Variants in RANBP2 observed in about 807,000 individuals in gnomAD.
RANBP2 encodes E3 SUMO-protein ligase RanBP2.
A neutral mutation model predicts 303.6 loss-of-function variants in RANBP2; 57 were observed. That is an observed-to-expected ratio of 0.19 (90% confidence interval 0.15 to 0.23). RANBP2 has a LOEUF of 0.23. Ranked by LOEUF, RANBP2 falls within the 10% of genes least tolerant of loss-of-function variation. The probability of loss-of-function intolerance (pLI) is 1.00; values close to 1 mark genes in which losing one functional copy is unlikely to be tolerated. For missense variants in RANBP2, 3,138 were observed against 3,780.8 expected, an observed-to-expected ratio of 0.83 and a Z score of 4.46; for synonymous variants, 1,167 against 1,301.5, an observed-to-expected ratio of 0.90 and a Z score of 2.23.
the RANBP2 span, among the ~76,000 whole-genome samples, chr2:109,333,259 G>A: frequency 0.016 from 2,486 of 152,352 alleles, 33 homozygotes; most frequent in Non-Finnish European, 0.028. Context: ...CAAGTTCAGG[G>A]TGATTAGTTT....
At chr2:108,805,693 C>T in the RANBP2 span, among the ~76,000 whole-genome samples, 1 of 151,830 alleles carries the variant, frequency 6.6e-6, no homozygotes, top group Admixed American at 6.6e-5. Context: ...TGCCACTGCA[C>T]TCCAGCCTGG....
the RANBP2 span, among the ~76,000 whole-genome samples, chr2:109,373,771 C>T: frequency 6.6e-6 from 1 of 152,100 alleles, no homozygotes; most frequent in East Asian, 1.9e-4. Flanking sequence ...CTTCTAACTG[C>T]AATTTCAAAA....
intron 24 of RANBP2, among the ~76,000 whole-genome samples, chr2:108,776,387 GT>G (rs1467215410): frequency 6.6e-6 from 1 of 152,054 alleles, no homozygotes; most frequent in Non-Finnish European, 1.5e-5. Flanking sequence ...TTTAAAGCTT[GT>G]TAAATTAATT....
chr2:109,007,233 A>AT, the RANBP2 span, among the ~76,000 whole-genome samples: 2 of 152,168 alleles, frequency 1.3e-5, no homozygotes, highest in African/African-American at 4.8e-5. Flanking sequence ...TTATGTATGT[A>AT]TTTTTTTAGA....
At chr2:108,943,135 G>A in the RANBP2 span, among the ~76,000 whole-genome samples, 2,554 of 152,252 alleles carry the variant, frequency 0.017, 62 homozygotes, top group African/African-American at 0.056. Flanking sequence ...GATCCTTCCT[G>A]TCAAACTCAG....
At chr2:109,160,773 T>C in the RANBP2 span, among the ~76,000 whole-genome samples, 17 of 152,254 alleles carry the variant, frequency 1.1e-4, no homozygotes, top group African/African-American at 4.1e-4. Flanking sequence ...CTGAGAAATG[T>C]GAACATCCCC....
chr2:109,632,736 T>G, the RANBP2 span, among the ~76,000 whole-genome samples: 3 of 151,958 alleles, frequency 2.0e-5, no homozygotes, highest in Non-Finnish European at 2.9e-5. Context: ...GGAGAATCGC[T>G]TGAACCCAGG....
In RANBP2 at chr2:108,747,940, A is replaced by G. The variant is rs187591066; in HGVS notation, c.1064-980A>G. 6.7e-3 allele frequency among the ~76,000 whole-genome samples: 1,021 copies of G among 152,272 alleles called. 3 individuals carry two copies. Among genetic ancestry groups the G allele is most frequent in the Non-Finnish European group, 9.6e-3 (655 of 68,018 alleles). On this transcript the variant is annotated intron_variant, in intron 8 of 28. Transcript: ENST00000283195. ...TCACTCCATGAGGAATTCCTTACCT[A>G]TTAGCAGTTACTTCCCATTTTACCC...
At chr2:108,732,824 TC>T (rs1264885513) in intron 4 of RANBP2, among the ~76,000 whole-genome samples, 2 of 152,244 alleles carry the variant, frequency 1.3e-5, no homozygotes, top group Admixed American at 6.5e-5. Flanking sequence ...GACGTTTTTT[TC>T]TTTTTTCATT....
intron 25 of RANBP2, among the ~76,000 whole-genome samples, chr2:108,780,740 A>G (rs1460659478): frequency 8.7e-6 from 1 of 114,802 alleles, no homozygotes; most frequent in South Asian, 2.6e-4. Flanking sequence ...ACGGAGTTTC[A>G]CTCTTGTTGC....
intron 13 of RANBP2, 72 bp from the exon 14 acceptor site, chr2:108,753,354 T>C: frequency 6.2e-6 from 10 of 1,603,508 alleles, no homozygotes; most frequent in Non-Finnish European, 8.5e-6. Flanking sequence ...TCATATAAAA[T>C]CTTTGGAAAA....
At chr2:109,383,598 C>T in the RANBP2 span, among the ~76,000 whole-genome samples, 4 of 152,146 alleles carry the variant, frequency 2.6e-5, no homozygotes, top group Non-Finnish European at 4.4e-5. Flanking sequence ...ATGCCCAAAC[C>T]GTGTGTGTGC....
chr2:109,544,780 T>G, the RANBP2 span: 1 of 820,362 alleles, frequency 1.2e-6, no homozygotes, highest in East Asian at 1.2e-4. Context: ...ATACTATTTA[T>G]TCTTTCAAAA....
the RANBP2 span, among the ~76,000 whole-genome samples, chr2:109,078,591 T>C: frequency 6.7e-6 from 1 of 148,522 alleles, no homozygotes; most frequent in Non-Finnish European, 1.5e-5. Context: ...GTTCTAGGGG[T>C]CTAAGGTAAA....
chr2:109,264,038 G>T, the RANBP2 span, among the ~76,000 whole-genome samples: 1 of 152,212 alleles, frequency 6.6e-6, no homozygotes, highest in South Asian at 2.1e-4. Context: ...GCCCTACATG[G>T]TTTGCAAAAC....
chr2:109,572,264 G>A, the RANBP2 span, among the ~76,000 whole-genome samples: 7 of 152,060 alleles, frequency 4.6e-5, no homozygotes, highest in African/African-American at 1.4e-4. Context: ...CCGAGTAGCC[G>A]GGACTACTGG....
the RANBP2 span, among the ~76,000 whole-genome samples, chr2:109,204,534 G>C: frequency 6.6e-6 from 1 of 152,076 alleles, no homozygotes; most frequent in Non-Finnish European, 1.5e-5. Context: ...ATATATTTGT[G>C]TGCAATGTAC....
At chr2:108,967,686 C>T in the RANBP2 span, among the ~76,000 whole-genome samples, 1 of 152,116 alleles carries the variant, frequency 6.6e-6, no homozygotes, top group African/African-American at 2.4e-5. Flanking sequence ...AATTTTACTT[C>T]ATAAACCAAT....
At chr2:108,988,142 G>A in the RANBP2 span, among the ~76,000 whole-genome samples, 2 of 152,194 alleles carry the variant, frequency 1.3e-5, no homozygotes, top group African/African-American at 2.4e-5. Context: ...ACCGGCATCT[G>A]CCCTGCTTGT....
Sources: allele counts gnomAD v4.1 joint callset (sites outside exome capture counted in the v4.1 genomes callset), GRCh38; gene constraint gnomAD v4.1.1; transcripts MANE v1.5; gene names NCBI Gene and HGNC (gene_info 2026-07-23, HGNC 2026-07-21).